Variants in RIN3 observed in about 807,000 individuals in gnomAD.
The protein encoded by RIN3 is RAB5 interacting protein 3.
A neutral mutation model predicts 76.3 loss-of-function variants in RIN3; 54 were observed. The ratio of observed to expected loss-of-function variants is 0.71; its 90% CI spans 0.57 to 0.89. RIN3 has a LOEUF of 0.89. Among genes scored for constraint, RIN3 ranks in the 40% least tolerant of loss-of-function variants. The pLI, the probability that RIN3 is intolerant of heterozygous loss-of-function variation, is 0.00. For missense variants in RIN3, 1,256 were observed against 1,322.1 expected (o/e 0.95, Z 0.78); for synonymous variants, 576 against 564.0 (o/e 1.02, Z -0.30).
At chr14:92,571,226 AC>A (rs1898054858) in intron 2 of RIN3, among the ~76,000 whole-genome samples, 1 of 152,150 alleles carries the variant, frequency 6.6e-6, no homozygotes, top group Non-Finnish European at 1.5e-5. Context: ...GTCTCTCTGA[AC>A]CTATTCTGGT....
intron 3 of RIN3, among the ~76,000 whole-genome samples, chr14:92,601,189 G>A (rs910040675): frequency 6.6e-6 from 1 of 152,120 alleles, no homozygotes; most frequent in Non-Finnish European, 1.5e-5. Context: ...ATACAGTATT[G>A]GGATTAATTT....
intron 3 of RIN3, among the ~76,000 whole-genome samples, chr14:92,585,370 T>G (rs1884732302): frequency 6.6e-6 from 1 of 152,116 alleles, no homozygotes; most frequent in Admixed American, 6.6e-5. Flanking sequence ...CTGACACCCG[T>G]GCACATGGAT....
At chr14:92,586,296 C>T (rs1434497419) in intron 3 of RIN3, among the ~76,000 whole-genome samples, 1 of 152,220 alleles carries the variant, frequency 6.6e-6, no homozygotes, top group African/African-American at 2.4e-5. Context: ...GAGCAGCATG[C>T]AGTTCATACC....
intron 3 of RIN3, among the ~76,000 whole-genome samples, chr14:92,607,002 CTGA>C (rs1259880262): frequency 1.3e-5 from 2 of 152,154 alleles, no homozygotes; most frequent in African/African-American, 4.8e-5. Context: ...TGTCCATCAA[CTGA>C]TGAGTGGAAA....
At chr14:92,615,049 G>C (rs1009301988) in intron 3 of RIN3, among the ~76,000 whole-genome samples, 7 of 151,802 alleles carry the variant, frequency 4.6e-5, no homozygotes, top group African/African-American at 1.7e-4. Flanking sequence ...CACCATGTTG[G>C]CCAGGCTGGT....
Position 92,659,315 on chromosome 14 carries a change from A to T in RIN3, c.2181A>T (p.Leu727=), listed in dbSNP as rs1887791248. ...LVILATTTTD[L]GVTTSVPEVP... ...TCCTGGCCACCACCACCACTGACCT[A>T]GGTGTGACCACCAGCGTGCCGGAGG... is the stretch of plus-strand genomic sequence containing the variant. The change falls in exon 7 of 10, where the codon CTA becomes CTT. Residue 727 remains leucine (L), a synonymous_variant. Coordinates refer to ENST00000216487, the MANE Select transcript of RIN3 (RefSeq NM_024832.5). 2 of 1,613,292 alleles carry T rather than the reference A, an allele frequency of 1.2e-6. No individual in the cohort carries two copies. The highest frequency in any genetic ancestry group is 4.5e-5 in the East Asian group (2 of 44,882).
chr14:92,515,243 G>A (rs1326932068), intron 1 of RIN3: 1 of 700,392 alleles, frequency 1.4e-6, no homozygotes. Context: ...GGAAGAACTG[G>A]GAATCCGTTG....
At chr14:92,672,513 AG>A (rs1215881433) in intron 7 of RIN3, among the ~76,000 whole-genome samples, 1 of 152,244 alleles carries the variant, frequency 6.6e-6, no homozygotes, top group Non-Finnish European at 1.5e-5. Flanking sequence ...TGCGCAGGCA[AG>A]GAACACAAGA....
At chr14:92,611,326 C>A (rs1393067333) in intron 3 of RIN3, among the ~76,000 whole-genome samples, 2 of 152,170 alleles carry the variant, frequency 1.3e-5, no homozygotes, top group Non-Finnish European at 2.9e-5. Flanking sequence ...TCGCTCTATC[C>A]CCCAGGCTGG....
chr14:92,676,718 G>C (rs1398075798), intron 8 of RIN3, 112 bp downstream of exon 8: 6 of 1,178,718 alleles, frequency 5.1e-6, no homozygotes. Flanking sequence ...CTCTGGCTGA[G>C]CTCTGGACCC....
Position 92,688,813 on chromosome 14 carries a change from G to T in RIN3, c.*561G>T. The T allele has an allele frequency of 6.4e-6, 1 of 155,054 alleles. No individual in the cohort carries two copies. Among genetic ancestry groups the T allele is most frequent in the Non-Finnish European group, 1.4e-5 (1 of 70,012 alleles). The allele number at this position is 155,054 out of a possible 1,614,324, so 9.6% of individuals were successfully genotyped here. A position where few individuals can be genotyped will look rare whatever the true frequency, so the allele number is the denominator to read the frequency against. On this transcript the variant is annotated 3_prime_UTR_variant, in exon 10 of 10. Coordinates refer to ENST00000216487, the MANE Select transcript of RIN3 (RefSeq NM_024832.5). Reference sequence around the variant, plus strand: ...CCCCAGACCCCGCAGCTCTGTGCCCGGCAAGAAGCAGCTAGACACACGCCA... The same window carrying T: ...CCCCAGACCCCGCAGCTCTGTGCCCTGCAAGAAGCAGCTAGACACACGCCA...
chr14:92,688,358 T>C lies in RIN3; in HGVS notation c.*106T>C, dbSNP rs1888961762. 1 of 1,122,066 alleles carries C rather than the reference T, an allele frequency of 8.9e-7. No individual in the cohort carries two copies. The highest frequency in any genetic ancestry group is 1.2e-6 in the Non-Finnish European group (1 of 815,390). 69.5% of individuals were successfully genotyped at this position (1,122,066 alleles called of 1,614,324 possible). ...CACGCAGCAGAGGGACATGGGCCAT[T>C]CCATGACGTGCCCAGGCCAACGTCG... On this transcript the variant is annotated 3_prime_UTR_variant, in exon 10 of 10. Transcript: ENST00000216487.
chr14:92,662,180 T>C (rs933414065), intron 7 of RIN3, among the ~76,000 whole-genome samples: 3 of 152,216 alleles, frequency 2.0e-5, no homozygotes, highest in Non-Finnish European at 2.9e-5. Flanking sequence ...TGTCCGAGAA[T>C]GAGCGGGGCC....
At chr14:92,640,294 G>A (rs1360507173) in intron 4 of RIN3, among the ~76,000 whole-genome samples, 16 of 134,882 alleles carry the variant, frequency 1.2e-4, no homozygotes, top group African/African-American at 4.6e-4. Context: ...ATGCCTGACT[G>A]TGTGTTCATC....
intron 3 of RIN3, among the ~76,000 whole-genome samples, chr14:92,582,546 G>A (rs919219371): frequency 4.1e-5 from 6 of 145,754 alleles, no homozygotes; most frequent in Non-Finnish European, 7.5e-5. Context: ...TCTGCCTCCC[G>A]AGTTCAAGCA....
chr14:92,545,394 G>A (rs1897237304), intron 1 of RIN3, among the ~76,000 whole-genome samples: 3 of 152,012 alleles, frequency 2.0e-5, no homozygotes, highest in African/African-American at 7.2e-5. Flanking sequence ...ACAGGCAGGA[G>A]CCACCGCGCC....
Position 92,653,134 on chromosome 14 carries a change from G to A in RIN3, c.2026+59G>A. 2 of 1,516,192 alleles carry A rather than the reference G, an allele frequency of 1.3e-6. 1 individual carries two copies. The highest frequency in any genetic ancestry group is 2.5e-5 in the South Asian group (2 of 80,348). The allele number at this position is 1,516,192 out of a possible 1,614,324, so 93.9% of individuals were successfully genotyped here. A position where few individuals can be genotyped will look rare whatever the true frequency, so the allele number is the denominator to read the frequency against. ...AGGGCGGTGGGGCTCACAGACTCAG[G>A]AACCCCTTAGGACAAAAGAGGCCTA... On this transcript the variant is annotated intron_variant, in intron 6 of 9. Coordinates refer to ENST00000216487, the MANE Select transcript of RIN3 (RefSeq NM_024832.5).
intron 1 of RIN3, among the ~76,000 whole-genome samples, chr14:92,527,077 G>T (rs1430292787): frequency 1.5e-5 from 2 of 133,910 alleles, no homozygotes; most frequent in South Asian, 2.5e-4. Context: ...TTGAGACAGA[G>T]TCTCGCTCTG....
At chr14:92,590,045 A>T (rs1438649782) in intron 3 of RIN3, among the ~76,000 whole-genome samples, 1 of 152,224 alleles carries the variant, frequency 6.6e-6, no homozygotes, top group East Asian at 1.9e-4. Context: ...GGGAAACCCA[A>T]TGTGTAACTG....
Sources: allele counts gnomAD v4.1 joint callset (sites outside exome capture counted in the v4.1 genomes callset), GRCh38; gene constraint gnomAD v4.1.1; transcripts MANE v1.5; gene names NCBI Gene and HGNC (gene_info 2026-07-23, HGNC 2026-07-21).